The following TSHZ2 variants were observed in gnomAD, a reference collection of about 807,000 sequenced individuals.
TSHZ2 encodes teashirt zinc finger homeobox 2.
TSHZ2 carries 21 observed loss-of-function variants against 74.4 expected under a neutral mutation model. The ratio of observed to expected loss-of-function variants is 0.28; its 90% CI spans 0.20 to 0.41. TSHZ2 has a LOEUF of 0.41. Among genes scored for constraint, TSHZ2 ranks in the 10% least tolerant of loss-of-function variants. TSHZ2 has a pLI of 1.00. For missense variants in TSHZ2, 1,244 were observed against 1,293.5 expected (o/e 0.96, Z 0.59); for synonymous variants, 540 against 515.3 (o/e 1.05, Z -0.65).
intron 1 of TSHZ2, among the ~76,000 whole-genome samples, chr20:53,004,140 C>T (rs376512826): frequency 1.4e-4 from 21 of 148,106 alleles, no homozygotes; most frequent in African/African-American, 4.2e-4. Flanking sequence ...CGCACCCACT[C>T]CCCCCCTCCA....
chr20:53,450,669 A>T (rs1409838167), intron 2 of TSHZ2, among the ~76,000 whole-genome samples: 1 of 152,114 alleles, frequency 6.6e-6, no homozygotes, highest in Non-Finnish European at 1.5e-5. Flanking sequence ...GATTACAGGC[A>T]TGTGCCACCA....
intron 2 of TSHZ2, among the ~76,000 whole-genome samples, chr20:53,278,456 G>A (rs1990988417): frequency 6.6e-6 from 1 of 152,032 alleles, no homozygotes; most frequent in Admixed American, 6.5e-5. Flanking sequence ...CATTTCCACA[G>A]GAGCCATGTC....
intron 1 of TSHZ2, among the ~76,000 whole-genome samples, chr20:53,011,631 T>C (rs1013854426): frequency 6.6e-6 from 1 of 152,174 alleles, no homozygotes; most frequent in African/African-American, 2.4e-5. Flanking sequence ...AAAATTAGGG[T>C]AGGAGCATAG....
chr20:52,980,685 A>C (rs987071501), intron 1 of TSHZ2, among the ~76,000 whole-genome samples: 1 of 152,250 alleles, frequency 6.6e-6, no homozygotes, highest in Non-Finnish European at 1.5e-5. Flanking sequence ...GGCAGCAGCC[A>C]TTCTATTTGT....
chr20:53,268,153 G>A (rs1467191205), intron 2 of TSHZ2, among the ~76,000 whole-genome samples: 1 of 152,156 alleles, frequency 6.6e-6, no homozygotes, highest in Non-Finnish European at 1.5e-5. Flanking sequence ...CAGGGGGCGG[G>A]CATTTGGAAG....
At chr20:53,417,011 C>A (rs1983276932) in intron 2 of TSHZ2, among the ~76,000 whole-genome samples, 1 of 152,188 alleles carries the variant, frequency 6.6e-6, no homozygotes, top group Admixed American at 6.5e-5. Context: ...ACATTGTAGG[C>A]AGACTTGTTC....
In TSHZ2 at chr20:53,214,723, AAAG is replaced by A. The variant is rs531265643; in HGVS notation, c.41-38765_41-38763del. Among the ~76,000 whole-genome samples, 417 of 152,258 alleles carry A rather than the reference AAAG, an allele frequency of 2.7e-3. 2 individuals carry two copies. The highest frequency in any genetic ancestry group is 9.2e-3 in the African/African-American group (383 of 41,552). ...ACAGAGCAAGACTGTCTCAAAATGA[AAAG>A]AAGAAGAAGACAATGTGAGCAGAGA... On this transcript the variant is annotated intron_variant, in intron 1 of 2. Transcript: ENST00000371497.
chr20:53,138,286 A>T (rs943838059), intron 1 of TSHZ2, among the ~76,000 whole-genome samples: 3 of 151,846 alleles, frequency 2.0e-5, no homozygotes, highest in Non-Finnish European at 4.4e-5. Flanking sequence ...TGGGAGGCTG[A>T]GGCAGGAGAA....
At chr20:53,418,595 G>A (rs1175884237) in intron 2 of TSHZ2, among the ~76,000 whole-genome samples, 1 of 152,002 alleles carries the variant, frequency 6.6e-6, no homozygotes. Context: ...TCACTAACAC[G>A]ACAACAGCAC....
rs1437898538 is a variant in TSHZ2 at position 53,442,084 on chromosome 20, AAGGAGTAGATGAGGTTAG to A, written c.*9-45055_*9-45038del. 2.9e-4 allele frequency among the ~76,000 whole-genome samples: 44 copies of A among 152,190 alleles called. 1 individual carries two copies. The highest frequency in any genetic ancestry group is 2.0e-3 in the Admixed American group (30 of 15,276). The stretch of plus-strand genomic sequence containing the variant: ...GCGTAGGTGGGGCTTAGCTGGTAAG[AAGGAGTAGATGAGGTTAG>A]AGGAATGAGCAGGAATTTAGATTTT... On this transcript the variant is annotated intron_variant, in intron 2 of 2. Coordinates refer to ENST00000371497, the MANE Select transcript of TSHZ2 (RefSeq NM_173485.6).
intron 1 of TSHZ2, among the ~76,000 whole-genome samples, chr20:53,048,788 G>T (rs973010132): frequency 1.3e-5 from 2 of 152,120 alleles, no homozygotes; most frequent in African/African-American, 2.4e-5. Flanking sequence ...TTTTGTGAGT[G>T]GGGGGTTCTA....
At chr20:53,040,108 A>C (rs1464985086) in intron 1 of TSHZ2, among the ~76,000 whole-genome samples, 1 of 152,202 alleles carries the variant, frequency 6.6e-6, no homozygotes, top group Non-Finnish European at 1.5e-5. Context: ...CCGTCTAAAA[A>C]AACAAAAACA....
At chr20:53,303,507 G>A (rs1296565529) in intron 2 of TSHZ2, among the ~76,000 whole-genome samples, 1 of 152,176 alleles carries the variant, frequency 6.6e-6, no homozygotes, top group Non-Finnish European at 1.5e-5. Context: ...CACAGACAGC[G>A]ATTACATGAA....
At chr20:53,449,042 A>T (rs534925419) in intron 2 of TSHZ2, among the ~76,000 whole-genome samples, 116 of 152,196 alleles carry the variant, frequency 7.6e-4, no homozygotes, top group Non-Finnish European at 1.4e-3. Flanking sequence ...ACTTGAGGCT[A>T]TGTGACTCCT....
chr20:53,051,453 G>GCACACACACACA lies in TSHZ2; in HGVS notation c.40+78123_40+78124insACACACACACAC, dbSNP rs1343176322. On this transcript the variant is annotated intron_variant, in intron 1 of 2. Coordinates refer to ENST00000371497, the MANE Select transcript of TSHZ2 (RefSeq NM_173485.6). ...TATTCTTATCATATTACTCTGTGGC[G>GCACACACACACA]CACGCACACACACACACACACACAC... Among the ~76,000 whole-genome samples, 87 of 103,058 alleles carry GCACACACACACA rather than the reference G, an allele frequency of 8.4e-4. 1 individual carries two copies. The highest frequency in any genetic ancestry group is 4.5e-3 in the South Asian group (13 of 2,878). 67.6% of individuals were successfully genotyped at this position (103,058 alleles called of 152,430 possible).
intron 2 of TSHZ2, among the ~76,000 whole-genome samples, chr20:53,360,563 A>G (rs1181796662): frequency 6.6e-6 from 1 of 152,218 alleles, no homozygotes; most frequent in African/African-American, 2.4e-5. Context: ...GTGATATTTC[A>G]TGGTTCCAAG....
chr20:52,974,336 C>T (rs897155702), intron 1 of TSHZ2, among the ~76,000 whole-genome samples: 1 of 152,128 alleles, frequency 6.6e-6, no homozygotes, highest in Admixed American at 6.5e-5. Flanking sequence ...TGATATATAT[C>T]AATAAATCAC....
intron 1 of TSHZ2, among the ~76,000 whole-genome samples, chr20:53,059,926 T>C (rs1191183634): frequency 2.6e-5 from 4 of 151,950 alleles, no homozygotes; most frequent in Admixed American, 6.6e-5. Flanking sequence ...CTTCATGACA[T>C]TTGCAGATGT....
intron 2 of TSHZ2, among the ~76,000 whole-genome samples, chr20:53,317,234 TG>T (rs1483394830): frequency 6.6e-6 from 1 of 152,196 alleles, no homozygotes; most frequent in Non-Finnish European, 1.5e-5. Flanking sequence ...TCCCTAGTCT[TG>T]GGCAAAATAT....
Sources: allele counts gnomAD v4.1 joint callset (sites outside exome capture counted in the v4.1 genomes callset), GRCh38; gene constraint gnomAD v4.1.1; transcripts MANE v1.5; gene names NCBI Gene and HGNC (gene_info 2026-07-23, HGNC 2026-07-21).